USP39: variants seen among roughly 807,000 people sequenced by gnomAD.
The protein encoded by USP39 is ubiquitin specific peptidase 39.
A neutral mutation model predicts 66.4 loss-of-function variants in USP39; 38 were observed. The observed-to-expected ratio is 0.57, with a 90% CI of 0.44 to 0.75. The LOEUF (loss-of-function observed/expected upper bound fraction) is 0.75. Ranked by LOEUF, USP39 falls within the 30% of genes least tolerant of loss-of-function variation. USP39 has a pLI of 0.00. For missense variants in USP39, 608 were observed against 714.4 expected (o/e 0.85, Z 1.70); for synonymous variants, 303 against 274.6 (o/e 1.10, Z -1.02).
At chr2:85,613,188 G>T (rs1033428334), upstream of USP39, among the ~76,000 whole-genome samples, 5 of 151,794 alleles carry the variant, frequency 3.3e-5, no homozygotes. Flanking sequence ...GCGAGACATC[G>T]TCTCTACAAG....
chr2:85,633,707 C>A (rs541629214), intron 6 of USP39, among the ~76,000 whole-genome samples: 9 of 152,054 alleles, frequency 5.9e-5, no homozygotes, highest in Admixed American at 1.3e-4. Flanking sequence ...GTAGAGGCTT[C>A]AGTGAGCCAT....
At chr2:85,608,083 C>T (rs2104140093), upstream of USP39, 1 of 152,262 alleles carries the variant, frequency 6.6e-6, no homozygotes, top group Non-Finnish European at 1.5e-5. Flanking sequence ...TTATAATTCC[C>T]TTTTAGTCTG....
chr2:85,639,644 C>T, intron 9 of USP39: 1 of 323,234 alleles, frequency 3.1e-6, no homozygotes, highest in Admixed American at 4.6e-5. Flanking sequence ...TTAGTAGAGA[C>T]AGCATGTTGG....
At chr2:85,644,446 T>C (rs1321490960) in intron 10 of USP39, among the ~76,000 whole-genome samples, 1 of 152,110 alleles carries the variant, frequency 6.6e-6, no homozygotes, top group Non-Finnish European at 1.5e-5. Flanking sequence ...CTTTTGGGGG[T>C]TTTTTGAGAC....
At position 85,620,092 on chromosome 2, in the gene USP39, A is replaced by G. The variant is rs537054453; in HGVS notation, c.338+803A>G. ...AGGCTGACCTCAAACTCCTGAACTC[A>G]GGAGATCCACCTGCCTTGGCCTCCC... On this transcript the variant is annotated intron_variant, in intron 2 of 12. Coordinates refer to ENST00000323701, the MANE Select transcript of USP39 (RefSeq NM_006590.4). Among the ~76,000 whole-genome samples, 415 of 151,968 alleles carry G rather than the reference A, an allele frequency of 2.7e-3. 4 individuals carry two copies. The highest frequency in any genetic ancestry group is 9.6e-3 in the African/African-American group (399 of 41,518).
In USP39 at chr2:85,625,676, C is replaced by T; in HGVS notation, c.708C>T (p.Ala236=). Reference sequence around the variant, plus strand: ...ATAACATAAAGGCCAATGATTATGCCAACGCTGTCCTTCAGGTAAGATCAA... The same window carrying T: ...ATAACATAAAGGCCAATGATTATGCTAACGCTGTCCTTCAGGTAAGATCAA... ...GLNNIKANDY[A]NAVLQALSNV... is the part of the protein sequence containing the mutation. The change falls in exon 5 of 13, where the codon GCC becomes GCT. Residue 236 remains alanine (A), a synonymous_variant. Transcript: ENST00000323701. 1.2e-6 allele frequency: 2 copies of T among 1,613,142 alleles called. No individual in the cohort carries two copies. Among genetic ancestry groups the T allele is most frequent in the Non-Finnish European group, 1.7e-6 (2 of 1,179,378 alleles).
chr2:85,611,805 G>A (rs750097758), upstream of USP39: 3 of 1,610,074 alleles, frequency 1.9e-6, no homozygotes, highest in Non-Finnish European at 1.7e-6. Context: ...AGCCGAGCGG[G>A]AGTCAGGGAC....
chr2:85,637,733 T>TC (rs1359680568), intron 8 of USP39, among the ~76,000 whole-genome samples: 1 of 152,204 alleles, frequency 6.6e-6, no homozygotes, highest in Non-Finnish European at 1.5e-5. Flanking sequence ...TCTCCCTCTG[T>TC]CGCCAAGGCT....
upstream of USP39, among the ~76,000 whole-genome samples, chr2:85,614,294 A>G (rs1673768704): frequency 6.6e-6 from 1 of 152,126 alleles, no homozygotes; most frequent in Admixed American, 6.5e-5. Flanking sequence ...CGGGCGGATC[A>G]CTTGAGGTCA....
rs527900974 is a variant in USP39, at chr2:85,637,409, C to T, written c.1068C>T (p.Phe356=). The T allele has an allele frequency of 2.0e-5, 32 of 1,614,182 alleles. No homozygotes were observed. In the South Asian group the frequency reaches 2.7e-4, roughly 14 times the overall value. ...TDVFQGSMRI[F]TKKLPHPDLP... The stretch of plus-strand genomic sequence containing the variant: ...TTTTCCAGGGGTCCATGAGGATCTT[C>T]ACTAAAAAGCTTCCCCATCCTGATC... The change falls in exon 8 of 13, where the codon TTC becomes TTT. Residue 356 remains phenylalanine (F), a synonymous_variant. Transcript: ENST00000323701.
chr2:85,612,109 C>T (rs1673593435), upstream of USP39: 2 of 963,546 alleles, frequency 2.1e-6, no homozygotes, highest in East Asian at 2.8e-5. Flanking sequence ...GTCTGGGAGG[C>T]CCCGGCCTGG....
rs1675750875 is a variant in USP39 at position 85,636,149 on chromosome 2, A to G, written c.1027+19A>G. 4 of 1,610,610 alleles carry G rather than the reference A, an allele frequency of 2.5e-6. No individual in the cohort carries two copies. Among genetic ancestry groups the G allele is most frequent in the Non-Finnish European group, 3.4e-6 (4 of 1,177,934 alleles). On this transcript the variant is annotated intron_variant, in intron 7 of 12. Transcript: ENST00000323701. ...AAGAAGAGTAAGTCATTTACTTATA[A>G]AAAGGAGTTATTTTGTTCCCTTTTA...
At chr2:85,635,461 G>A (rs889110237) in intron 6 of USP39, among the ~76,000 whole-genome samples, 2 of 152,194 alleles carry the variant, frequency 1.3e-5, no homozygotes, top group African/African-American at 4.8e-5. Context: ...TCAGGAGACT[G>A]AGGTGGGAGA....
chr2:85,631,992 T>C (rs964001777), intron 6 of USP39, among the ~76,000 whole-genome samples: 5 of 151,944 alleles, frequency 3.3e-5, no homozygotes, highest in African/African-American at 1.2e-4. Context: ...TCCACCCGCT[T>C]CGGCCTCCCA....
At chr2:85,610,013 GTTTTTTTT>G (rs552989319), upstream of USP39, among the ~76,000 whole-genome samples, 1 of 125,142 alleles carries the variant, frequency 8.0e-6, no homozygotes. Flanking sequence ...AGTGTAAGTG[GTTTTTTTT>G]TTTTTTTTTT....
At position 85,645,450 on chromosome 2, in the gene USP39, A is replaced by G. The variant is rs150241571; in HGVS notation, c.1563+367A>G. On this transcript the variant is annotated intron_variant, in intron 11 of 12. Coordinates refer to ENST00000323701, the MANE Select transcript of USP39 (RefSeq NM_006590.4). ...AGGCGCCCATCACCACGCCCGGCTA[A>G]TTTTTGTATTTTTAGTAGAGACGGG... Among the ~76,000 whole-genome samples the G allele has an allele frequency of 9.3e-3, 1,408 of 151,966 alleles. 26 individuals are homozygous for G. Among genetic ancestry groups the G allele is most frequent in the African/African-American group, 0.032 (1,333 of 41,472 alleles).
intron 10 of USP39, among the ~76,000 whole-genome samples, chr2:85,643,074 T>TAAAAA (rs556017123): frequency 2.2e-5 from 3 of 133,456 alleles, no homozygotes; most frequent in Admixed American, 1.5e-4. Context: ...TTGTCTCTAC[T>TAAAAA]AAAAAAAAAA....
chr2:85,644,916 G>A, intron 10 of USP39, 32 bp from the exon 11 acceptor site: 1 of 1,613,150 alleles, frequency 6.2e-7, no homozygotes, highest in Non-Finnish European at 8.5e-7. Context: ...GCCTTTGTCT[G>A]ATTATTCCGG....
Position 85,619,247 on chromosome 2 carries a change from A to G in USP39, c.296A>G (p.Asp99Gly), listed in dbSNP as rs1206344999. The G allele has an allele frequency of 6.2e-7, 1 of 1,613,594 alleles. No homozygotes were observed. Among genetic ancestry groups the G allele is most frequent in the Non-Finnish European group, 8.5e-7 (1 of 1,179,928 alleles). Residue 99 changes from aspartate to glycine, a missense_variant, in exon 2 of 13, where the codon GAC becomes GGC. Physicochemically the swap from Asp to Gly is moderately conservative, Grantham distance 94 (BLOSUM62 -1). This residue lies in a region of USP39 where 115 missense variants were observed against 198.6 expected (regional missense o/e 0.58). Transcript: ENST00000323701. The stretch of plus-strand genomic sequence containing the variant: ...AAGAATGGCCGAGTGGATTCTGAGG[A>G]CCGGAGGAGCCGCCACTGCCCGTAC... ...RAKNGRVDSE[D>G]RRSRHCPYLD...
Sources: allele counts gnomAD v4.1 joint callset (sites outside exome capture counted in the v4.1 genomes callset), GRCh38; gene constraint gnomAD v4.1.1; regional missense constraint gnomAD v4.1.1; transcripts MANE v1.5; gene names NCBI Gene and HGNC (gene_info 2026-07-23, HGNC 2026-07-21).